Variants in SERPINB12 observed in about 807,000 individuals in gnomAD.
The protein encoded by SERPINB12 is serpin family B member 12.
In SERPINB12, 57 loss-of-function variants were observed where a neutral mutation model predicts 41.1. The observed-to-expected ratio is 1.39, with a 90% CI of 1.12 to 1.73. SERPINB12 has a LOEUF of 1.73. Among genes scored for constraint, SERPINB12 ranks in the 40% most tolerant of loss-of-function variants. The pLI is 0.00. For synonymous variants in SERPINB12, 180 were observed against 181.3 expected (o/e 0.99, Z 0.06); for missense variants, 536 against 501.9 (o/e 1.07, Z -0.65).
chr18:63,556,118 T>G, intron 1 of SERPINB12, 24 bp from the exon 2 acceptor site: 4 of 1,547,462 alleles, frequency 2.6e-6, no homozygotes, highest in Non-Finnish European at 3.5e-6. Context: ...CCATTTTCTC[T>G]TTCTCCTTTT....
chr18:63,532,976 T>C, the SERPINB12 span, among the ~76,000 whole-genome samples: 1 of 152,112 alleles, frequency 6.6e-6, no homozygotes, highest in Non-Finnish European at 1.5e-5. Context: ...ACTCCTTTCA[T>C]GTTTCTTCTT....
chr18:63,565,489 C>T lies in SERPINB12; in HGVS notation c.750C>T (p.Tyr250=). 6.2e-7 allele frequency: 1 copy of T among 1,613,906 alleles called. No individual in the cohort carries two copies. The highest frequency in any genetic ancestry group is 8.5e-7 in the Non-Finnish European group (1 of 1,179,910). The stretch of plus-strand genomic sequence containing the variant: ...AGATGATGACGCAAAAAGGCCTCTA[C>T]AGAATTGGCTTCATAGAGGAGGTGA... ...SVKMMTQKGL[Y]RIGFIEEVKA... is the part of the protein sequence containing the mutation. The change falls in exon 7 of 8, where the codon TAC becomes TAT. Residue 250 remains tyrosine (Y), a synonymous_variant. Transcript: ENST00000382768.
intron 1 of SERPINB12, among the ~76,000 whole-genome samples, 162 bp downstream of exon 1, chr18:63,542,654 T>C (rs1020042311): frequency 6.6e-6 from 1 of 152,136 alleles, no homozygotes; most frequent in Non-Finnish European, 1.5e-5. Context: ...AAAACTTTTA[T>C]TTTAGGTCAG....
At chr18:63,564,266 T>C (rs1417999964) in intron 6 of SERPINB12, 146 bp downstream of exon 6, 13 of 770,864 alleles carry the variant, frequency 1.7e-5, no homozygotes, top group African/African-American at 7.1e-5. Context: ...CTGAATTTCA[T>C]TGAGTATTTT....
At chr18:63,524,656 G>T in the SERPINB12 span, among the ~76,000 whole-genome samples, 1 of 151,808 alleles carries the variant, frequency 6.6e-6, no homozygotes, top group African/African-American at 2.4e-5. Flanking sequence ...TCTACAACAT[G>T]CTTGGACCTT....
intron 2 of SERPINB12, among the ~76,000 whole-genome samples, chr18:63,557,669 G>A (rs1599421351): frequency 6.6e-6 from 1 of 152,204 alleles, no homozygotes; most frequent in South Asian, 2.1e-4. Flanking sequence ...GAATTCAGAT[G>A]TTCTTTCTTA....
the SERPINB12 span, among the ~76,000 whole-genome samples, chr18:63,530,382 G>T: frequency 5.6e-3 from 847 of 152,256 alleles, 6 homozygotes; most frequent in South Asian, 0.028. Flanking sequence ...CACACTTGCA[G>T]CCATTTTTCT....
upstream of SERPINB12, among the ~76,000 whole-genome samples, chr18:63,537,855 A>C (rs1221656223): frequency 1.3e-5 from 2 of 152,126 alleles, no homozygotes; most frequent in African/African-American, 4.8e-5. Flanking sequence ...CTTGGAGATG[A>C]GGTTTAGAGC....
intron 7 of SERPINB12, 149 bp from the exon 8 acceptor site, chr18:63,566,458 T>C (rs1911099878): frequency 1.4e-6 from 1 of 725,226 alleles, no homozygotes; most frequent in Non-Finnish European, 2.3e-6. Context: ...GCTTGAAGTT[T>C]TAAATGAAAT....
At chr18:63,519,542 C>A in the SERPINB12 span, among the ~76,000 whole-genome samples, 2 of 152,310 alleles carry the variant, frequency 1.3e-5, no homozygotes, top group East Asian at 3.9e-4. Context: ...CCCTCTCAGT[C>A]TGATATACCA....
rs143274901 is a variant in SERPINB12, at chr18:63,552,316, G to A, written c.-18-3826G>A. ...ATAAACTCATTTCTATGGAAAATTA[G>A]GCTGGTTTCAAAGGGATTTTTGATG... On this transcript the variant is annotated intron_variant, in intron 1 of 7. Transcript: ENST00000382768. Among the ~76,000 whole-genome samples, 52 of 152,222 alleles carry A rather than the reference G, an allele frequency of 3.4e-4. No homozygotes were observed. The East Asian group carries it at 8.3e-3, about 24-fold the overall frequency.
intron 6 of SERPINB12, 139 bp downstream of exon 6, chr18:63,564,259 A>G (rs1002773473): frequency 1.2e-6 from 1 of 810,904 alleles, no homozygotes; most frequent in South Asian, 2.0e-5. Context: ...CCAGTACCTG[A>G]ATTTCATTGA....
chr18:63,522,712 C>T, the SERPINB12 span, among the ~76,000 whole-genome samples: 6 of 152,080 alleles, frequency 3.9e-5, no homozygotes, highest in East Asian at 1.2e-3. Context: ...TTCGAGAGTA[C>T]TGGTTAGAAT....
At chr18:63,565,752 A>G (rs1468172923) in intron 7 of SERPINB12, 140 bp downstream of exon 7, 12 of 635,318 alleles carry the variant, frequency 1.9e-5, no homozygotes, top group South Asian at 3.7e-5. Context: ...AATCTGAATT[A>G]GATTAGATAT....
At chr18:63,560,725 A>C (rs1353884619) in intron 4 of SERPINB12, among the ~76,000 whole-genome samples, 1 of 152,170 alleles carries the variant, frequency 6.6e-6, no homozygotes, top group African/African-American at 2.4e-5. Flanking sequence ...GCGGGAGTTT[A>C]ATTCTTAAAA....
the SERPINB12 span, among the ~76,000 whole-genome samples, chr18:63,521,421 C>T: frequency 6.6e-6 from 1 of 152,154 alleles, no homozygotes; most frequent in African/African-American, 2.4e-5. Context: ...TGACTGGTGA[C>T]TAGGAGTCCG....
the SERPINB12 span, among the ~76,000 whole-genome samples, chr18:63,523,540 A>G: frequency 6.6e-6 from 1 of 152,208 alleles, no homozygotes; most frequent in Non-Finnish European, 1.5e-5. Context: ...ACACCATATG[A>G]CAGAAGAAAT....
Position 63,558,002 on chromosome 18 carries a change from TA to T in SERPINB12, c.169-349del, listed in dbSNP as rs1167682244. ...ATTTTAATGAGCTATTTTATTTATT[TA>T]TTTTTTTATACTATATTCAAGATCT... On this transcript the variant is annotated intron_variant, in intron 2 of 7. Coordinates refer to ENST00000382768, the MANE Select transcript of SERPINB12 (RefSeq NM_001307928.2). Among the ~76,000 whole-genome samples, 7 of 152,350 alleles carry T rather than the reference TA, an allele frequency of 4.6e-5. 1 individual carries two copies. Among genetic ancestry groups the T allele is most frequent in the East Asian group, 1.9e-4 (1 of 5,190 alleles).
At chr18:63,548,683 G>A (rs1486178567) in intron 1 of SERPINB12, among the ~76,000 whole-genome samples, 1 of 151,898 alleles carries the variant, frequency 6.6e-6, no homozygotes, top group Non-Finnish European at 1.5e-5. Flanking sequence ...TAATATGTGA[G>A]AATTTATAAA....
Sources: allele counts gnomAD v4.1 joint callset (sites outside exome capture counted in the v4.1 genomes callset), GRCh38; gene constraint gnomAD v4.1.1; transcripts MANE v1.5; gene names NCBI Gene and HGNC (gene_info 2026-07-23, HGNC 2026-07-21).